The following NHS variants were observed in gnomAD, a reference collection of about 807,000 sequenced individuals.
The protein encoded by NHS is actin remodeling regulator NHS.
A neutral mutation model predicts 72.5 loss-of-function variants in NHS; 5 were observed. The ratio of observed to expected loss-of-function variants is 0.07; its 90% CI spans 0.04 to 0.14. NHS has a LOEUF of 0.14. Among genes scored for constraint, NHS ranks in the 10% least tolerant of loss-of-function variants. NHS has a pLI of 1.00. For synonymous variants in NHS, 464 were observed against 547.7 expected (o/e 0.85, Z 2.13); for missense variants, 1,072 against 1,355.7 (o/e 0.79, Z 3.29).
chrX:17,471,947 G>A (rs963794529), intron 1 of NHS, among the ~76,000 whole-genome samples: 68 of 111,656 alleles, frequency 6.1e-4, no homozygotes, highest in African/African-American at 2.2e-3. Context: ...TCTAGTTAAA[G>A]CACTTAACCT....
Position 17,735,725 on chromosome X carries a change from G to C in NHS, c.*3261G>C. 1 of 112,929 alleles carries C rather than the reference G, an allele frequency of 8.9e-6. No individual in the cohort carries two copies. 9.3% of individuals were successfully genotyped at this position (112,929 alleles called of 1,213,427 possible). A position where few individuals can be genotyped will look rare whatever the true frequency, so the allele number is the denominator to read the frequency against. On this transcript the variant is annotated 3_prime_UTR_variant, in exon 9 of 9. Transcript: ENST00000676302. Reference sequence around the variant, plus strand: ...CGAAACGACAATGGTTTATGGACTTGCATCCATTTTGTATTTTTGTAATAT... The same window carrying C: ...CGAAACGACAATGGTTTATGGACTTCCATCCATTTTGTATTTTTGTAATAT...
At chrX:17,618,062 G>A (rs542900785) in intron 1 of NHS, among the ~76,000 whole-genome samples, 121 of 111,848 alleles carry the variant, frequency 1.1e-3, no homozygotes, top group Middle Eastern at 9.2e-3. Context: ...CATTTGGGTC[G>A]CGGCCTCAGA....
chrX:17,382,829 A>C (rs1170869621), intron 1 of NHS, among the ~76,000 whole-genome samples: 1 of 112,226 alleles, frequency 8.9e-6, no homozygotes, highest in Non-Finnish European at 1.9e-5. Flanking sequence ...TACTTACTGC[A>C]AACTCCTGTA....
intron 1 of NHS, among the ~76,000 whole-genome samples, chrX:17,533,656 G>A (rs1408027632): frequency 8.9e-6 from 1 of 111,811 alleles, no homozygotes; most frequent in Non-Finnish European, 1.9e-5. Flanking sequence ...AGCACAAAGT[G>A]ATGACTCCTG....
At chrX:17,422,214 A>G (rs1416267047) in intron 1 of NHS, among the ~76,000 whole-genome samples, 2 of 112,269 alleles carry the variant, frequency 1.8e-5, no homozygotes, top group African/African-American at 6.5e-5. Context: ...CTTTTGATCA[A>G]TATTATGCCT....
chrX:17,507,141 C>A (rs1265173342), intron 1 of NHS, among the ~76,000 whole-genome samples: 1 of 112,499 alleles, frequency 8.9e-6, no homozygotes, highest in African/African-American at 3.2e-5. Context: ...CAAACAATCC[C>A]TAAGTAGCCA....
chrX:17,524,830 A>C (rs1246172667), intron 1 of NHS, among the ~76,000 whole-genome samples: 3 of 112,588 alleles, frequency 2.7e-5, no homozygotes, highest in African/African-American at 9.7e-5. Flanking sequence ...TTTTGACATT[A>C]TGTAAATATC....
In NHS at chrX:17,375,387, A is replaced by AT. The variant is rs1486053509; in HGVS notation, c.-368dup. ...CACACACACAGACACACGCACGCCC[A>AT]TTTATATAGGCGGCGGCGACGGCAG... is the stretch of plus-strand genomic sequence containing the variant. On this transcript the variant is annotated 5_prime_UTR_variant, in exon 1 of 9. Transcript: ENST00000676302. 4 of 384,819 alleles carry AT rather than the reference A, an allele frequency of 1.0e-5. No homozygotes were observed. The highest frequency in any genetic ancestry group is 1.8e-5 in the Non-Finnish European group (4 of 224,819). 31.7% of individuals were successfully genotyped at this position (384,819 alleles called of 1,213,427 possible). A position where few individuals can be genotyped will look rare whatever the true frequency, so the allele number is the denominator to read the frequency against.
At chrX:17,614,482 C>A (rs190636562) in intron 1 of NHS, among the ~76,000 whole-genome samples, 1 of 111,489 alleles carries the variant, frequency 9.0e-6, no homozygotes, top group African/African-American at 3.3e-5. Context: ...TACAAGCAAA[C>A]CCTCTCATAA....
chrX:17,557,347 A>ATATATATG (rs1490660271), intron 1 of NHS: 3 of 106,453 alleles, frequency 2.8e-5, no homozygotes, highest in Admixed American at 1.0e-4. Flanking sequence ...ATATATATAT[A>ATATATATG]TCTTGCATTT....
chrX:17,386,893 C>G (rs2064413577), intron 1 of NHS, among the ~76,000 whole-genome samples: 2 of 111,435 alleles, frequency 1.8e-5, no homozygotes, highest in Admixed American at 1.9e-4. Context: ...TAAACTGAAT[C>G]TTGCTTGCTT....
intron 1 of NHS, among the ~76,000 whole-genome samples, chrX:17,658,836 A>G (rs2065969706): frequency 8.9e-6 from 1 of 112,016 alleles, no homozygotes; most frequent in South Asian, 3.8e-4. Flanking sequence ...GGTCTTAAAT[A>G]GAAAGGGCTG....
chrX:17,727,353 A>C lies in NHS; in HGVS notation c.3247A>C (p.Ile1083Leu). The C allele has an allele frequency of 8.3e-7, 1 of 1,210,521 alleles. No individual in the cohort carries two copies. Among genetic ancestry groups the C allele is most frequent in the Non-Finnish European group, 1.1e-6 (1 of 894,276 alleles). ...ACTGAGTAAAGACCTTGAACTTCCA[A>C]TTATACCTCCTACCCATCTTGATCT... ...ISLSKDLELP[I>L]IPPTHLDLSA... The change falls in exon 7 of 9, where the codon ATT becomes CTT. Residue 1083 changes from isoleucine to leucine, a missense_variant. Transcript: ENST00000676302.
intron 1 of NHS, among the ~76,000 whole-genome samples, chrX:17,478,036 C>T (rs1182193459): frequency 4.5e-5 from 5 of 111,851 alleles, no homozygotes; most frequent in Non-Finnish European, 9.4e-5. Context: ...TTAGATCCTG[C>T]CCACCACAGA....
At chrX:17,505,005 T>C (rs1201510285) in intron 1 of NHS, among the ~76,000 whole-genome samples, 1 of 111,512 alleles carries the variant, frequency 9.0e-6, no homozygotes, top group Non-Finnish European at 1.9e-5. Flanking sequence ...TTTATTCAAC[T>C]ACCTATGTGT....
At chrX:17,447,943 C>T (rs1014716775) in intron 1 of NHS, among the ~76,000 whole-genome samples, 21 of 111,643 alleles carry the variant, frequency 1.9e-4, no homozygotes, top group African/African-American at 6.5e-4. Flanking sequence ...TTATTTCATA[C>T]GATATGTTAC....
chrX:17,723,726 GGTGTGTGTGTGTGTGTGT>G (rs3222310), intron 5 of NHS, among the ~76,000 whole-genome samples: 3 of 71,073 alleles, frequency 4.2e-5, no homozygotes, highest in East Asian at 5.1e-4. Context: ...CAGCAAAAGA[GGTGTGTGTGTGTGTGTGT>G]GTGTGTGTGT....
At chrX:17,446,349 C>T (rs772760085) in intron 1 of NHS, among the ~76,000 whole-genome samples, 10 of 111,048 alleles carry the variant, frequency 9.0e-5, no homozygotes, top group African/African-American at 3.3e-4. Flanking sequence ...CCCTGTGACC[C>T]GCACGTATAC....
intron 1 of NHS, 191 bp from the exon 2 acceptor site, chrX:17,687,551 C>CA: frequency 1.9e-6 from 1 of 535,352 alleles, no homozygotes; most frequent in Non-Finnish European, 3.2e-6. Flanking sequence ...GGCTCAGGGG[C>CA]AAAAGTTGTC....
Sources: gnomAD v4.1 joint callset for allele counts (sites outside exome capture counted in the v4.1 genomes callset) on GRCh38, gnomAD v4.1.1 for gene constraint, MANE v1.5 for transcripts, NCBI Gene and HGNC (gene_info 2026-07-23, HGNC 2026-07-21) for gene names.